The following ABCG2 variants were observed in gnomAD, a reference collection of about 807,000 sequenced individuals.
The protein encoded by ABCG2 is ATP binding cassette subfamily G member 2 (JR blood group), also known as broad substrate specificity ATP-binding cassette transporter ABCG2.
Under a neutral mutation model 73.5 loss-of-function variants are expected in ABCG2, and 80 were observed. That is an observed-to-expected ratio of 1.09 (90% CI 0.91 to 1.31). ABCG2 has a LOEUF of 1.31. ABCG2 is among the 50% of genes most tolerant of loss of function. The pLI is 0.00. For synonymous variants in ABCG2, 269 were observed against 282.4 expected (o/e 0.95, Z 0.48); for missense variants, 796 against 786.2 (o/e 1.01, Z -0.15).
intron 10 of ABCG2, among the ~76,000 whole-genome samples, chr4:88,105,990 T>C (rs2109992782): frequency 6.6e-6 from 1 of 152,294 alleles, no homozygotes; most frequent in East Asian, 1.9e-4. Context: ...CCTTGTGCAC[T>C]GCTGGTAAGA....
At chr4:88,130,531 CA>C (rs1434469454) in intron 5 of ABCG2, among the ~76,000 whole-genome samples, 1 of 152,028 alleles carries the variant, frequency 6.6e-6, no homozygotes, top group East Asian at 1.9e-4. Flanking sequence ...TGAATTATCC[CA>C]AAACCATCCC....
At chr4:88,163,123 C>G (rs1727379477), upstream of ABCG2, among the ~76,000 whole-genome samples, 1 of 152,194 alleles carries the variant, frequency 6.6e-6, no homozygotes, top group African/African-American at 2.4e-5. Context: ...CCGAGTATAT[C>G]TATTTTCATT....
At chr4:88,099,476 T>C (rs773189474) in intron 11 of ABCG2, 28 bp from the exon 12 acceptor site, 13 of 1,576,152 alleles carry the variant, frequency 8.2e-6, no homozygotes, top group Admixed American at 1.8e-5. Flanking sequence ...GTATCATACA[T>C]CCAAGATTAG....
chr4:88,224,408 A>C (rs1229023025), intron 1 of ABCG2, among the ~76,000 whole-genome samples: 1 of 152,176 alleles, frequency 6.6e-6, no homozygotes, highest in African/African-American at 2.4e-5. Flanking sequence ...ACTGCACCCC[A>C]GCCTGGGCAA....
At chr4:88,103,414 T>C (rs1339705163) in intron 10 of ABCG2, among the ~76,000 whole-genome samples, 1 of 152,222 alleles carries the variant, frequency 6.6e-6, no homozygotes, top group Non-Finnish European at 1.5e-5. Context: ...TATCTACTTA[T>C]TGGTCTGAAT....
intron 1 of ABCG2, among the ~76,000 whole-genome samples, chr4:88,190,110 C>T (rs1728624172): frequency 6.6e-6 from 1 of 152,172 alleles, no homozygotes; most frequent in Non-Finnish European, 1.5e-5. Context: ...ATACTGAACA[C>T]AATTCCTTTA....
intron 1 of ABCG2, among the ~76,000 whole-genome samples, chr4:88,141,233 C>A (rs1398366634): frequency 6.6e-6 from 1 of 152,070 alleles, no homozygotes; most frequent in Non-Finnish European, 1.5e-5. Flanking sequence ...TAAAAGCAAC[C>A]AAAGCGGCCA....
chr4:88,169,368 C>G (rs1051562999), intron 1 of ABCG2, among the ~76,000 whole-genome samples: 5 of 152,078 alleles, frequency 3.3e-5, no homozygotes, highest in African/African-American at 1.2e-4. Flanking sequence ...CATTTTGAGA[C>G]TGTCTTCTTT....
chr4:88,091,233 G>C lies in ABCG2; in HGVS notation c.*1001C>G, dbSNP rs915004660. 1.3e-5 allele frequency: 2 copies of C among 151,896 alleles called. No individual in the cohort carries two copies. The highest frequency in any genetic ancestry group is 2.9e-5 in the Non-Finnish European group (2 of 67,980). The allele number at this position is 151,896 out of a possible 1,614,324, so 9.4% of individuals were successfully genotyped here. On this transcript the variant is annotated 3_prime_UTR_variant, in exon 16 of 16. Coordinates refer to ENST00000237612, the MANE Select transcript of ABCG2 (RefSeq NM_004827.3). The stretch of plus-strand genomic sequence containing the variant: ...TTTAATTCACTGAACTATATTTTTT[G>C]GTACATTACCCTTCAACTAAAAAAA...
intron 1 of ABCG2, among the ~76,000 whole-genome samples, chr4:88,229,220 A>T (rs890933703): frequency 6.6e-5 from 10 of 152,232 alleles, no homozygotes; most frequent in African/African-American, 2.4e-4. Context: ...CCCACCGGAA[A>T]GAACCAACTC....
chr4:88,103,746 G>A (rs938855379), intron 10 of ABCG2, among the ~76,000 whole-genome samples: 1 of 152,044 alleles, frequency 6.6e-6, no homozygotes, highest in Non-Finnish European at 1.5e-5. Context: ...CTAGCCTCTG[G>A]CAACCACCAT....
At chr4:88,220,843 C>T (rs1473274953) in intron 1 of ABCG2, among the ~76,000 whole-genome samples, 1 of 152,186 alleles carries the variant, frequency 6.6e-6, no homozygotes, top group Admixed American at 6.5e-5. Flanking sequence ...CCTCTTTGCT[C>T]AGCACTTCTC....
At chr4:88,128,264 A>C (rs1290445319) in intron 5 of ABCG2, among the ~76,000 whole-genome samples, 1 of 152,270 alleles carries the variant, frequency 6.6e-6, no homozygotes, top group Non-Finnish European at 1.5e-5. Context: ...TTAAAAAGTC[A>C]GGAAACAACA....
Position 88,113,353 on chromosome 4 carries a change from T to TG in ABCG2, c.1143dup (p.Lys382GlnfsTer10), listed in dbSNP as rs1409635767. Reference sequence around the variant, plus strand: ...CCCAGCAAGTTTTTGAATGAACGCTTGGAAACCCATCTGAGTTGATGACAG... The same window carrying TG: ...CCCAGCAAGTTTTTGAATGAACGCTTGGGAAACCCATCTGAGTTGATGACAG... On this transcript the variant is annotated frameshift_variant, in exon 9 of 16. Coordinates refer to ENST00000237612, the MANE Select transcript of ABCG2 (RefSeq NM_004827.3). LOFTEE classifies it high-confidence loss of function. 6.2e-7 allele frequency: 1 copy of TG among 1,614,206 alleles called. No homozygotes were observed. Among genetic ancestry groups the TG allele is most frequent in the East Asian group, 2.2e-5 (1 of 44,878 alleles).
chr4:88,153,811 T>A (rs181153776), intron 1 of ABCG2, among the ~76,000 whole-genome samples: 2 of 152,196 alleles, frequency 1.3e-5, no homozygotes, highest in African/African-American at 4.8e-5. Flanking sequence ...AATTTGCCAG[T>A]CCTGGGCAGG....
chr4:88,191,190 C>T (rs111937630), intron 1 of ABCG2, among the ~76,000 whole-genome samples: 6,346 of 137,208 alleles, frequency 0.046, 203 homozygotes, highest in South Asian at 0.077. Context: ...AGTGCACTGG[C>T]GCGATTTTGG....
intron 13 of ABCG2, 152 bp from the exon 14 acceptor site, chr4:88,095,761 C>G (rs1366456319): frequency 3.1e-6 from 2 of 638,144 alleles, no homozygotes; most frequent in Admixed American, 2.4e-5. Flanking sequence ...AAGACACTCA[C>G]TAAACTCTTC....
intron 1 of ABCG2, among the ~76,000 whole-genome samples, chr4:88,208,906 T>C (rs531976043): frequency 6.6e-6 from 1 of 152,248 alleles, no homozygotes; most frequent in East Asian, 1.9e-4. Flanking sequence ...ACTGACAAAA[T>C]TGGTCTTAAC....
At chr4:88,212,305 T>C (rs913525192) in intron 1 of ABCG2, among the ~76,000 whole-genome samples, 1 of 152,210 alleles carries the variant, frequency 6.6e-6, no homozygotes, top group Non-Finnish European at 1.5e-5. Context: ...TAACACTGAC[T>C]ACCCCTGCAT....
Sources: allele counts gnomAD v4.1 joint callset (sites outside exome capture counted in the v4.1 genomes callset), GRCh38; gene constraint gnomAD v4.1.1; transcripts MANE v1.5; gene names NCBI Gene and HGNC (gene_info 2026-07-23, HGNC 2026-07-21).